Variants in ENOX1 observed in about 807,000 individuals in gnomAD.
ENOX1 encodes the protein candidate growth-related and time keeping constitutive hydroquinone (NADH) oxidase.
In ENOX1, 42 loss-of-function variants were observed where a neutral mutation model predicts 82.5. That is an observed-to-expected ratio of 0.51 (90% CI 0.40 to 0.66). The LOEUF is 0.66. ENOX1 is among the 30% of genes least tolerant of loss of function. The pLI is 0.00. For synonymous variants in ENOX1, 271 were observed against 282.2 expected (o/e 0.96, Z 0.40); for missense variants, 608 against 811.6 (o/e 0.75, Z 3.05).
chr13:43,362,669 G>T (rs776600443), intron 5 of ENOX1, among the ~76,000 whole-genome samples: 4 of 152,172 alleles, frequency 2.6e-5, no homozygotes, highest in Non-Finnish European at 5.9e-5. Context: ...AGAAGCAGAT[G>T]TAAGAATAAC....
intron 12 of ENOX1, among the ~76,000 whole-genome samples, chr13:43,271,976 T>C (rs1342582749): frequency 1.3e-5 from 2 of 152,160 alleles, no homozygotes; most frequent in Admixed American, 1.3e-4. Flanking sequence ...CCATCCATGT[T>C]ACTATTTTTT....
At chr13:43,718,318 C>G (rs1394026384) in intron 1 of ENOX1, among the ~76,000 whole-genome samples, 1 of 151,944 alleles carries the variant, frequency 6.6e-6, no homozygotes, top group Non-Finnish European at 1.5e-5. Flanking sequence ...TAAATGGGAG[C>G]TAAACATTGA....
At chr13:43,564,420 T>TA (rs1228142120) in intron 2 of ENOX1, among the ~76,000 whole-genome samples, 1 of 151,644 alleles carries the variant, frequency 6.6e-6, no homozygotes, top group East Asian at 1.9e-4. Context: ...AAATTCAAAA[T>TA]AAAAAACTAT....
At chr13:43,506,997 C>G (rs1368193600) in intron 2 of ENOX1, among the ~76,000 whole-genome samples, 4 of 150,224 alleles carry the variant, frequency 2.7e-5, no homozygotes, top group African/African-American at 7.3e-5. Flanking sequence ...AAAAAAAAAC[C>G]CTTGAGGGAA....
At chr13:43,658,802 T>G (rs2084572254) in intron 2 of ENOX1, among the ~76,000 whole-genome samples, 1 of 152,236 alleles carries the variant, frequency 6.6e-6, no homozygotes, top group African/African-American at 2.4e-5. Flanking sequence ...GTGTTGGTCC[T>G]ATCTCTGGGA....
intron 1 of ENOX1, among the ~76,000 whole-genome samples, chr13:43,740,317 T>G (rs565388387): frequency 6.6e-6 from 1 of 151,944 alleles, no homozygotes; most frequent in African/African-American, 2.4e-5. Context: ...ATTGGAGGGT[T>G]TTTAGCAAAG....
chr13:43,416,459 ATGGGGTGGC>A (rs2054573984), intron 3 of ENOX1, among the ~76,000 whole-genome samples: 2 of 146,492 alleles, frequency 1.4e-5, no homozygotes, highest in African/African-American at 5.1e-5. Context: ...CACATCCCAG[ATGGGGTGGC>A]CGGGCAGAGG....
At chr13:43,655,204 T>C (rs1217799800) in intron 2 of ENOX1, among the ~76,000 whole-genome samples, 1 of 152,178 alleles carries the variant, frequency 6.6e-6, no homozygotes, top group Non-Finnish European at 1.5e-5. Context: ...TCATAGCACA[T>C]CCAAAAGAGA....
At chr13:43,718,084 T>C (rs991371019) in intron 1 of ENOX1, among the ~76,000 whole-genome samples, 5 of 152,230 alleles carry the variant, frequency 3.3e-5, no homozygotes, top group African/African-American at 1.2e-4. Context: ...ATGTACTTAT[T>C]AGTTCATTGC....
intron 2 of ENOX1, among the ~76,000 whole-genome samples, chr13:43,554,008 C>G (rs1232692652): frequency 6.6e-6 from 1 of 152,170 alleles, no homozygotes; most frequent in Non-Finnish European, 1.5e-5. Context: ...CTTGGTCTCC[C>G]AAAGTGCTGG....
intron 9 of ENOX1, among the ~76,000 whole-genome samples, chr13:43,330,378 T>C (rs1465438071): frequency 6.6e-6 from 1 of 152,228 alleles, no homozygotes; most frequent in Non-Finnish European, 1.5e-5. Flanking sequence ...CACACAATCC[T>C]GTATCAGATA....
At chr13:43,313,924 G>C (rs1266385950) in intron 11 of ENOX1, among the ~76,000 whole-genome samples, 1 of 152,142 alleles carries the variant, frequency 6.6e-6, no homozygotes, top group African/African-American at 2.4e-5. Flanking sequence ...GCAATGACCA[G>C]CATGCCCCAA....
intron 1 of ENOX1, among the ~76,000 whole-genome samples, chr13:43,725,459 C>A (rs1434745246): frequency 6.6e-6 from 1 of 151,862 alleles, no homozygotes; most frequent in Non-Finnish European, 1.5e-5. Flanking sequence ...AACAGAGGGA[C>A]CTAAAGAGTT....
chr13:43,313,217 A>G (rs1454134003), intron 11 of ENOX1, among the ~76,000 whole-genome samples: 1 of 152,100 alleles, frequency 6.6e-6, no homozygotes, highest in East Asian at 1.9e-4. Flanking sequence ...AGAACTCAAC[A>G]TTTCTGCCTG....
chr13:43,247,850 TATATATATATATATATATA>T lies in ENOX1; in HGVS notation c.1612-11131_1612-11113del, dbSNP rs2043177907. Among the ~76,000 whole-genome samples, 20 of 2,190 alleles carry T rather than the reference TATATATATATATATATATA, an allele frequency of 9.1e-3. 2 individuals are homozygous for T. The highest frequency in any genetic ancestry group is 0.031 in the East Asian group (1 of 32). The allele number at this position is 2,190 out of a possible 152,430, so 1.4% of individuals were successfully genotyped here. A position where few individuals can be genotyped will look rare whatever the true frequency, so the allele number is the denominator to read the frequency against. ...CAACATATATATATATATATATATA[TATATATATATATATATATA>T]TATATATATATATATTTTTTTTTTT... is the stretch of plus-strand genomic sequence containing the variant. On this transcript the variant is annotated intron_variant, in intron 14 of 16. Transcript: ENST00000690772.
At chr13:43,460,156 A>G (rs1360662453) in intron 3 of ENOX1, among the ~76,000 whole-genome samples, 3 of 152,226 alleles carry the variant, frequency 2.0e-5, no homozygotes, top group Non-Finnish European at 2.9e-5. Flanking sequence ...ATTTACCTAC[A>G]TAACAGAGAC....
At chr13:43,262,106 A>T (rs977590319) in intron 14 of ENOX1, among the ~76,000 whole-genome samples, 46 of 152,162 alleles carry the variant, frequency 3.0e-4, no homozygotes, top group Admixed American at 3.0e-3. Flanking sequence ...TTATTTATTC[A>T]TTTATTTATG....
rs1197487916 is a variant in ENOX1 at position 43,213,979 on chromosome 13, GC to G, written c.*10del. 6.2e-7 allele frequency: 1 copy of G among 1,612,288 alleles called. No individual in the cohort carries two copies. The highest frequency in any genetic ancestry group is 8.5e-7 in the Non-Finnish European group (1 of 1,179,136). On this transcript the variant is annotated 3_prime_UTR_variant, in exon 17 of 17. Coordinates refer to ENST00000690772, the MANE Select transcript of ENOX1 (RefSeq NM_001347969.2). ...ATGGTTTCATTTCCAGAGATGCTTT[GC>G]TCTTCGCAGTTAGGTAGTTTTAATT...
At chr13:43,429,081 G>T (rs1035662601) in intron 3 of ENOX1, among the ~76,000 whole-genome samples, 2 of 152,168 alleles carry the variant, frequency 1.3e-5, no homozygotes, top group South Asian at 2.1e-4. Context: ...AACGTGCACA[G>T]CAGTTTGGCA....
Sources: allele counts gnomAD v4.1 joint callset (sites outside exome capture counted in the v4.1 genomes callset), GRCh38; gene constraint gnomAD v4.1.1; transcripts MANE v1.5; gene names NCBI Gene and HGNC (gene_info 2026-07-23, HGNC 2026-07-21).